NXPE2: variants seen among roughly 807,000 people sequenced by gnomAD.
NXPE2 encodes NXPE family member 2.
In NXPE2, 34 loss-of-function variants were observed where a neutral mutation model predicts 34.4. The ratio of observed to expected loss-of-function variants is 0.99; its 90% CI spans 0.75 to 1.31. The LOEUF (loss-of-function observed/expected upper bound fraction) is 1.31. NXPE2 is among the 40% of genes most tolerant of loss of function. The pLI is 0.00. For synonymous variants in NXPE2, 235 were observed against 231.3 expected (o/e 1.02, Z -0.15); for missense variants, 649 against 672.5 (o/e 0.97, Z 0.39).
the NXPE2 span, chr11:114,580,365 C>G: frequency 6.3e-7 from 1 of 1,593,862 alleles, no homozygotes; most frequent in Non-Finnish European, 8.6e-7. Context: ...GAGATAGGAT[C>G]TTCCAAAACA....
chr11:114,734,431 G>A, the NXPE2 span, among the ~76,000 whole-genome samples: 1 of 152,146 alleles, frequency 6.6e-6, no homozygotes, highest in Non-Finnish European at 1.5e-5. Context: ...CAGTGTGTGA[G>A]CACAGTGCTT....
At chr11:114,649,693 A>G in the NXPE2 span, among the ~76,000 whole-genome samples, 1 of 152,212 alleles carries the variant, frequency 6.6e-6, no homozygotes, top group Non-Finnish European at 1.5e-5. Flanking sequence ...GGTAACAGGT[A>G]GTAGGAGGAA....
chr11:114,673,044 T>C, the NXPE2 span, among the ~76,000 whole-genome samples: 6 of 148,988 alleles, frequency 4.0e-5, no homozygotes, highest in South Asian at 2.1e-4. Context: ...ATAGACCACA[T>C]ACTATGCCAT....
At chr11:114,701,247 C>T (rs1197575094) in intron 3 of NXPE2, among the ~76,000 whole-genome samples, 4 of 152,156 alleles carry the variant, frequency 2.6e-5, no homozygotes, top group Non-Finnish European at 4.4e-5. Context: ...ATTCTATACT[C>T]TATATGTTTT....
At chr11:114,701,161 A>G (rs1018705704) in intron 3 of NXPE2, among the ~76,000 whole-genome samples, 1 of 152,212 alleles carries the variant, frequency 6.6e-6, no homozygotes, top group East Asian at 1.9e-4. Context: ...CAAAGGAAAA[A>G]TAATCATGGA....
the NXPE2 span, among the ~76,000 whole-genome samples, chr11:114,629,902 G>A: frequency 2.0e-5 from 3 of 150,302 alleles, no homozygotes; most frequent in Non-Finnish European, 4.4e-5. Flanking sequence ...GCCAAATCAT[G>A]AGTGAACTCC....
chr11:114,560,869 C>T, the NXPE2 span, among the ~76,000 whole-genome samples: 1 of 152,196 alleles, frequency 6.6e-6, no homozygotes, highest in Non-Finnish European at 1.5e-5. Flanking sequence ...TAGCTGCAAT[C>T]ATACAGTGTG....
At chr11:114,546,420 A>G in the NXPE2 span, among the ~76,000 whole-genome samples, 1 of 151,974 alleles carries the variant, frequency 6.6e-6, no homozygotes, top group Non-Finnish European at 1.5e-5. Context: ...ATAATTATAG[A>G]TATGCATGTA....
At chr11:114,759,802 T>G in the NXPE2 span, among the ~76,000 whole-genome samples, 4 of 152,226 alleles carry the variant, frequency 2.6e-5, no homozygotes, top group African/African-American at 7.2e-5. Context: ...AAAAAAGATC[T>G]TGCCTTAAGA....
At chr11:114,481,252 T>A in the NXPE2 span, among the ~76,000 whole-genome samples, 1 of 152,174 alleles carries the variant, frequency 6.6e-6, no homozygotes, top group African/African-American at 2.4e-5. Context: ...AGAGCTTTGA[T>A]TGGTCTTTTG....
At chr11:114,620,192 G>A in the NXPE2 span, among the ~76,000 whole-genome samples, 3 of 151,880 alleles carry the variant, frequency 2.0e-5, no homozygotes, top group Non-Finnish European at 2.9e-5. Flanking sequence ...ACCATTACCC[G>A]CTGGATACTA....
At chr11:114,524,590 C>T in the NXPE2 span, among the ~76,000 whole-genome samples, 1 of 152,100 alleles carries the variant, frequency 6.6e-6, no homozygotes, top group South Asian at 2.1e-4. Context: ...TTCTATGAGG[C>T]TTGATAGCAT....
At chr11:114,548,166 A>G in the NXPE2 span, among the ~76,000 whole-genome samples, 6 of 152,206 alleles carry the variant, frequency 3.9e-5, no homozygotes, top group Non-Finnish European at 8.8e-5. Flanking sequence ...CACCGAGTAC[A>G]GAGATACATG....
the NXPE2 span, among the ~76,000 whole-genome samples, chr11:114,601,880 AT>A: frequency 1.6e-3 from 2 of 1,288 alleles, no homozygotes; most frequent in Non-Finnish European, 2.3e-3. Context: ...TATATTATAT[AT>A]AATTATATAT....
At chr11:114,724,890 G>GTTTTTTT in the NXPE2 span, among the ~76,000 whole-genome samples, 1 of 90,952 alleles carries the variant, frequency 1.1e-5, no homozygotes, top group African/African-American at 4.0e-5. Context: ...TTCAGAAATG[G>GTTTTTTT]TTTTTTTTTT....
the NXPE2 span, among the ~76,000 whole-genome samples, chr11:114,482,880 T>A: frequency 6.6e-6 from 1 of 152,158 alleles, no homozygotes; most frequent in Non-Finnish European, 1.5e-5. Context: ...TCCACAGAGT[T>A]TTTTTTCAGC....
the NXPE2 span, among the ~76,000 whole-genome samples, chr11:114,794,858 C>G: frequency 1.1e-4 from 16 of 151,764 alleles, no homozygotes; most frequent in African/African-American, 3.6e-4. Flanking sequence ...CCCGCCCCCC[C>G]CAACCCCATC....
At chr11:114,632,070 T>C in the NXPE2 span, among the ~76,000 whole-genome samples, 1 of 133,558 alleles carries the variant, frequency 7.5e-6, no homozygotes, top group Non-Finnish European at 1.6e-5. Flanking sequence ...AAGAATTGTA[T>C]AGTATAATAT....
the NXPE2 span, among the ~76,000 whole-genome samples, chr11:114,585,173 C>G: frequency 4.6e-5 from 7 of 151,720 alleles, no homozygotes; most frequent in Admixed American, 2.6e-4. Flanking sequence ...ACACTGCCTG[C>G]CATCTGTCTT....
Sources: allele counts gnomAD v4.1 joint callset (sites outside exome capture counted in the v4.1 genomes callset), GRCh38; gene constraint gnomAD v4.1.1; transcripts MANE v1.5; gene names NCBI Gene and HGNC (gene_info 2026-07-23, HGNC 2026-07-21).